SLC17A1: variants seen among roughly 807,000 people sequenced by gnomAD.
The protein encoded by SLC17A1 is sodium-dependent phosphate transport protein 1.
A neutral mutation model predicts 53.5 loss-of-function variants in SLC17A1; 51 were observed. That is an observed-to-expected ratio of 0.95 (90% CI 0.76 to 1.20). SLC17A1 has a LOEUF of 1.20. SLC17A1 is among the 50% of genes most tolerant of loss of function. SLC17A1 has a pLI of 0.00. For synonymous variants in SLC17A1, 179 were observed against 198.8 expected (o/e 0.90, Z 0.84); for missense variants, 538 against 568.2 (o/e 0.95, Z 0.54).
chr6:25,759,575 G>T, the SLC17A1 span, among the ~76,000 whole-genome samples: 1 of 152,128 alleles, frequency 6.6e-6, no homozygotes, highest in Non-Finnish European at 1.5e-5. Flanking sequence ...AACTGCTGTT[G>T]CTTATAAGTT....
At chr6:25,726,114 A>G in the SLC17A1 span, 2 of 1,505,830 alleles carry the variant, frequency 1.3e-6, no homozygotes, top group South Asian at 2.8e-5. Flanking sequence ...AAGTCTTTTT[A>G]CCAATGACAA....
In SLC17A1 at chr6:25,829,933, TTAAG is replaced by T. The variant is rs1442668027; in HGVS notation, c.34+587_34+590del. Among the ~76,000 whole-genome samples, 5 of 152,252 alleles carry T rather than the reference TTAAG, an allele frequency of 3.3e-5. No individual in the cohort carries two copies. The South Asian group carries it at 1.0e-3, about 32-fold the overall frequency. On this transcript the variant is annotated intron_variant, in intron 2 of 12. Transcript: ENST00000244527. The stretch of plus-strand genomic sequence containing the variant: ...TGGACAACTTAAACAATCAAAATAA[TTAAG>T]TATCAAAGTTGATACAAGAAGAAAT...
chr6:25,798,625 C>A lies in SLC17A1; in HGVS notation c.*2+158G>T, dbSNP rs151082212. 1,099 of 548,502 alleles carry A rather than the reference C, an allele frequency of 2.0e-3. 11 individuals carry two copies. The highest frequency in any genetic ancestry group is 0.018 in the African/African-American group (937 of 52,132). The allele number at this position is 548,502 out of a possible 1,614,324, so 34.0% of individuals were successfully genotyped here. ...GCCTTAGCATCCCCACAGAGTCCCA[C>A]AGCCATTTCAGGATGTCTAATATTC... On this transcript the variant is annotated intron_variant, in intron 12 of 12. Coordinates refer to ENST00000244527, the MANE Select transcript of SLC17A1 (RefSeq NM_005074.5).
chr6:25,816,324 T>C (rs1341808660), intron 6 of SLC17A1, among the ~76,000 whole-genome samples: 3 of 152,218 alleles, frequency 2.0e-5, no homozygotes, highest in African/African-American at 7.2e-5. Context: ...CTTATGCAAA[T>C]AGTGCCTCCT....
At chr6:25,731,865 C>T in the SLC17A1 span, 2 of 1,602,906 alleles carry the variant, frequency 1.2e-6, no homozygotes, top group Non-Finnish European at 8.5e-7. Context: ...CAGCAGCAGG[C>T]GCACGGCCGT....
chr6:25,734,970 T>G, the SLC17A1 span, among the ~76,000 whole-genome samples: 72 of 152,314 alleles, frequency 4.7e-4, no homozygotes, highest in African/African-American at 1.5e-3. Flanking sequence ...AAATAATTAT[T>G]GGAAATCAAC....
chr6:25,808,696 C>T (rs1365846863), intron 10 of SLC17A1, among the ~76,000 whole-genome samples: 2 of 152,028 alleles, frequency 1.3e-5, no homozygotes, highest in Non-Finnish European at 2.9e-5. Context: ...ATTAAAACCA[C>T]GATGAGATAA....
chr6:25,826,383 T>C (rs1343729884), intron 3 of SLC17A1, 78 bp downstream of exon 3: 1 of 1,233,594 alleles, frequency 8.1e-7, no homozygotes, highest in Non-Finnish European at 1.1e-6. Flanking sequence ...ATCATATCAG[T>C]ACAATTCCAT....
chr6:25,771,710 C>T, the SLC17A1 span, among the ~76,000 whole-genome samples: 1 of 152,098 alleles, frequency 6.6e-6, no homozygotes, highest in Non-Finnish European at 1.5e-5. Flanking sequence ...AATCTAATAT[C>T]ATAGCTAGAA....
At chr6:25,740,687 T>G in the SLC17A1 span, among the ~76,000 whole-genome samples, 1 of 152,188 alleles carries the variant, frequency 6.6e-6, no homozygotes, top group Non-Finnish European at 1.5e-5. Flanking sequence ...TGAATCTCAA[T>G]TCTAACACAT....
At chr6:25,732,520 G>C in the SLC17A1 span, 1 of 443,158 alleles carries the variant, frequency 2.3e-6, no homozygotes, top group Non-Finnish European at 4.3e-6. Flanking sequence ...CCCGTGGGCG[G>C]TGTCAACGGG....
At chr6:25,775,096 G>A in the SLC17A1 span, among the ~76,000 whole-genome samples, 30 of 152,180 alleles carry the variant, frequency 2.0e-4, no homozygotes, top group African/African-American at 6.8e-4. Flanking sequence ...TTGGGAGGAT[G>A]AGGCAGGTGG....
chr6:25,764,596 C>T, the SLC17A1 span, among the ~76,000 whole-genome samples: 3 of 152,212 alleles, frequency 2.0e-5, no homozygotes, highest in Admixed American at 6.5e-5. Context: ...AACTCCCATC[C>T]TTGAGGCAGG....
At chr6:25,760,096 C>T in the SLC17A1 span, among the ~76,000 whole-genome samples, 1 of 152,092 alleles carries the variant, frequency 6.6e-6, no homozygotes, top group African/African-American at 2.4e-5. Flanking sequence ...ACATTTTTGC[C>T]TAAGCTTGGT....
intron 12 of SLC17A1, among the ~76,000 whole-genome samples, chr6:25,785,265 A>C (rs1763357092): frequency 6.6e-6 from 1 of 152,132 alleles, no homozygotes; most frequent in Non-Finnish European, 1.5e-5. Context: ...TGTCTTAGCT[A>C]AGGCTGCTAT....
chr6:25,776,730 A>G, the SLC17A1 span: 496 of 1,613,796 alleles, frequency 3.1e-4, no homozygotes, highest in Non-Finnish European at 4.1e-4. Context: ...TGCCATTGGT[A>G]AGGGAGAGAC....
intron 6 of SLC17A1, among the ~76,000 whole-genome samples, chr6:25,817,604 TC>T (rs1466441708): frequency 1.1e-4 from 16 of 152,198 alleles, no homozygotes; most frequent in African/African-American, 3.4e-4. Context: ...CTGTACATGA[TC>T]TTATCATAGA....
chr6:25,727,087 CTA>C, the SLC17A1 span: 1 of 1,614,238 alleles, frequency 6.2e-7, no homozygotes, highest in Non-Finnish European at 8.5e-7. Context: ...TCTTCGAAAG[CTA>C]TGAGCATTAT....
At chr6:25,757,433 T>C in the SLC17A1 span, among the ~76,000 whole-genome samples, 2 of 152,134 alleles carry the variant, frequency 1.3e-5, no homozygotes, top group African/African-American at 4.8e-5. Context: ...TTGTCAGTAG[T>C]AATAGATTTA....
Sources: gnomAD v4.1 joint callset for allele counts (sites outside exome capture counted in the v4.1 genomes callset) on GRCh38, gnomAD v4.1.1 for gene constraint, MANE v1.5 for transcripts, NCBI Gene and HGNC (gene_info 2026-07-23, HGNC 2026-07-21) for gene names.